The following HERPUD2 variants were observed in gnomAD, a reference collection of about 807,000 sequenced individuals.
HERPUD2 encodes the protein HERPUD family member 2, also known as homocysteine-responsive endoplasmic reticulum-resident ubiquitin-like domain member 2 protein.
In HERPUD2, 13 loss-of-function variants were observed where a neutral mutation model predicts 49.9. The ratio of observed to expected loss-of-function variants is 0.26; its 90% CI spans 0.17 to 0.41. The LOEUF is 0.41. HERPUD2 is among the 10% of genes least tolerant of loss of function. The pLI is 1.00. For synonymous variants in HERPUD2, 172 were observed against 171.4 expected, an observed-to-expected ratio of 1.00 and a Z score of -0.03; for missense variants, 449 against 492.2, an observed-to-expected ratio of 0.91 and a Z score of 0.83.
chr7:35,686,705 C>T (rs572613879), intron 2 of HERPUD2, among the ~76,000 whole-genome samples: 1 of 66,108 alleles, frequency 1.5e-5, no homozygotes, highest in African/African-American at 6.1e-5. Context: ...GGCGACAGAA[C>T]GACACTCCGT....
At chr7:35,676,186 T>C (rs1785758280) in intron 2 of HERPUD2, among the ~76,000 whole-genome samples, 1 of 152,224 alleles carries the variant, frequency 6.6e-6, no homozygotes, top group African/African-American at 2.4e-5. Context: ...ACAGTTTCTA[T>C]TTTTAAAAAA....
intron 2 of HERPUD2, among the ~76,000 whole-genome samples, chr7:35,683,980 C>T (rs891177833): frequency 2.1e-4 from 32 of 152,308 alleles, no homozygotes; most frequent in South Asian, 4.1e-4. Context: ...CTAGTACAAC[C>T]GTTATGGAAA....
At chr7:35,641,879 C>A (rs973255750) in intron 5 of HERPUD2, among the ~76,000 whole-genome samples, 1 of 152,102 alleles carries the variant, frequency 6.6e-6, no homozygotes, top group Non-Finnish European at 1.5e-5. Context: ...ACAACCTAGG[C>A]AATACCATTC....
rs563165603 is a variant in HERPUD2 at position 35,667,434 on chromosome 7, C to G, written c.494G>C (p.Gly165Ala). 13 of 1,609,832 alleles carry G rather than the reference C, an allele frequency of 8.1e-6. No homozygotes were observed. In the East Asian group the frequency reaches 2.7e-4, roughly 33 times the overall value. ...QSHQFPYVMQ[G>A]NVDNQFPGQA... is the part of the protein sequence containing the mutation. ...CCATAGCTACCACAATTTCACTTAC[C>G]CTTGCATTACATATGGAAACTGGTG... is the stretch of plus-strand genomic sequence containing the variant. Residue 165 changes from glycine to alanine, a missense_variant and splice_region_variant, in exon 5 of 9, where the codon GGA (glycine) becomes GCA (alanine). By Grantham distance (60) the Gly-to-Ala change is moderately conservative (BLOSUM62 0). Transcript: ENST00000311350.
chr7:35,664,852 G>A (rs1785504029), intron 5 of HERPUD2, among the ~76,000 whole-genome samples: 1 of 152,142 alleles, frequency 6.6e-6, no homozygotes, highest in African/African-American at 2.4e-5. Context: ...TCCTTTAGCT[G>A]GGAGAAGTTT....
chr7:35,667,869 ATTAAG>A (rs1362272471), intron 4 of HERPUD2, among the ~76,000 whole-genome samples: 3 of 152,196 alleles, frequency 2.0e-5, no homozygotes, highest in Non-Finnish European at 2.9e-5. Flanking sequence ...AATTCTGAGG[ATTAAG>A]TTAATGCATA....
Position 35,635,124 on chromosome 7 carries a change from A to G in HERPUD2, c.941+11T>C. The G allele has an allele frequency of 3.1e-6, 5 of 1,601,562 alleles. No homozygotes were observed. The highest frequency in any genetic ancestry group is 2.6e-6 in the Non-Finnish European group (3 of 1,169,138). On this transcript the variant is annotated intron_variant, in intron 7 of 8. Coordinates refer to ENST00000311350, the MANE Select transcript of HERPUD2 (RefSeq NM_022373.5). ...AAATTAAACCACAAAAAGTTAATGA[A>G]CATCACTCACAAATAAACCAGTAGC...
chr7:35,674,428 G>T (rs868602060), intron 2 of HERPUD2, among the ~76,000 whole-genome samples: 1,942 of 108,384 alleles, frequency 0.018, 146 homozygotes, highest in South Asian at 0.063. Context: ...GAGAGAGAGA[G>T]AGAGAGAGAG....
At position 35,651,550 on chromosome 7, in the gene HERPUD2, C is replaced by T. The variant is rs573452810; in HGVS notation, c.495-13078G>A. ...AGAATCAAAGCCAAAGTGGCCTACC[C>T]GAACACCACCATAGACCCATCTTTA... On this transcript the variant is annotated intron_variant, in intron 5 of 8. Transcript: ENST00000311350. Among the ~76,000 whole-genome samples, 8 of 152,170 alleles carry T rather than the reference C, an allele frequency of 5.3e-5. No homozygotes were observed. The East Asian group carries it at 1.4e-3, about 26-fold the overall frequency.
At chr7:35,658,473 A>C (rs1265234598) in intron 5 of HERPUD2, among the ~76,000 whole-genome samples, 1 of 152,224 alleles carries the variant, frequency 6.6e-6, no homozygotes, top group Non-Finnish European at 1.5e-5. Context: ...AAATCTTACC[A>C]ACACACAGAA....
intron 5 of HERPUD2, among the ~76,000 whole-genome samples, chr7:35,660,461 C>T (rs1388287269): frequency 6.6e-6 from 1 of 152,174 alleles, no homozygotes; most frequent in African/African-American, 2.4e-5. Flanking sequence ...ACACTGTCTT[C>T]CACAATGGTT....
chr7:35,650,471 ACCT>A (rs1032203376), intron 5 of HERPUD2, among the ~76,000 whole-genome samples: 4 of 151,938 alleles, frequency 2.6e-5, no homozygotes, highest in African/African-American at 9.7e-5. Context: ...GGTCCCACAC[ACCT>A]CCTAATTCCT....
chr7:35,633,070 T>C lies in HERPUD2; in HGVS notation c.*620A>G, dbSNP rs1784804860. 6.8e-6 allele frequency: 1 copy of C among 147,932 alleles called. No homozygotes were observed. Among genetic ancestry groups the C allele is most frequent in the Non-Finnish European group, 1.5e-5 (1 of 66,812 alleles). 9.2% of individuals were successfully genotyped at this position (147,932 alleles called of 1,614,324 possible). ...AGACATTTATATGTGAAGCAGCTCT[T>C]TTTTTTTTTTTTCTGAGACCGAGTC... On this transcript the variant is annotated 3_prime_UTR_variant, in exon 9 of 9. Coordinates refer to ENST00000311350, the MANE Select transcript of HERPUD2 (RefSeq NM_022373.5).
At chr7:35,671,226 C>T (rs1785637836) in intron 3 of HERPUD2, among the ~76,000 whole-genome samples, 1 of 151,954 alleles carries the variant, frequency 6.6e-6, no homozygotes, top group African/African-American at 2.4e-5. Flanking sequence ...TACAACAGGC[C>T]CTTCCTTAAA....
At chr7:35,665,881 C>T (rs1785527884) in intron 5 of HERPUD2, among the ~76,000 whole-genome samples, 1 of 152,098 alleles carries the variant, frequency 6.6e-6, no homozygotes, top group South Asian at 2.1e-4. Context: ...TTCTGAAGAC[C>T]TGTAATCTTA....
chr7:35,695,051 C>T lies in HERPUD2; in HGVS notation c.-548G>A. The T allele has an allele frequency of 6.6e-6, 1 of 152,506 alleles. No individual in the cohort carries two copies. 9.4% of individuals were successfully genotyped at this position (152,506 alleles called of 1,614,324 possible). A position where few individuals can be genotyped will look rare whatever the true frequency, so the allele number is the denominator to read the frequency against. On this transcript the variant is annotated 5_prime_UTR_variant, in exon 1 of 9. Transcript: ENST00000311350. ...AGGGTGGCGGCAAGGCAGGGCTGGG[C>T]CGGGGGCGGCCCAGGCGACTACAGG... is the stretch of plus-strand genomic sequence containing the variant.
chr7:35,684,264 C>A (rs1785981719), intron 2 of HERPUD2, among the ~76,000 whole-genome samples: 1 of 152,054 alleles, frequency 6.6e-6, no homozygotes, highest in Admixed American at 6.6e-5. Context: ...GTGGCGGGAA[C>A]CTGCAGTCCC....
intron 5 of HERPUD2, among the ~76,000 whole-genome samples, chr7:35,650,858 C>T (rs574262111): frequency 1.3e-5 from 2 of 152,294 alleles, no homozygotes; most frequent in South Asian, 4.1e-4. Flanking sequence ...GCCATCCTCG[C>T]CTACCAGAAC....
intron 2 of HERPUD2, among the ~76,000 whole-genome samples, chr7:35,691,689 A>G (rs1182116123): frequency 6.6e-6 from 1 of 152,248 alleles, no homozygotes; most frequent in East Asian, 1.9e-4. Context: ...ATCAATGTTT[A>G]GTCATTGCAG....
Sources: gnomAD v4.1 joint callset for allele counts (sites outside exome capture counted in the v4.1 genomes callset) on GRCh38, gnomAD v4.1.1 for gene constraint, MANE v1.5 for transcripts, NCBI Gene and HGNC (gene_info 2026-07-23, HGNC 2026-07-21) for gene names.